The following BPGM variants were observed in gnomAD, a reference collection of about 807,000 sequenced individuals.
BPGM encodes the protein bisphosphoglycerate mutase.
In BPGM, 15 loss-of-function variants were observed where a neutral mutation model predicts 21.6. That is an observed-to-expected ratio of 0.70 (90% CI 0.47 to 1.07). BPGM has a LOEUF of 1.07. Among genes scored for constraint, BPGM ranks in the 50% least tolerant of loss-of-function variants. The pLI, the probability that BPGM is intolerant of heterozygous loss-of-function variation, is 0.00. For missense variants in BPGM, 273 were observed against 319.0 expected (o/e 0.86, Z 1.10); for synonymous variants, 113 against 116.2 (o/e 0.97, Z 0.18).
chr7:134,669,320 C>T (rs566714747), intron 2 of BPGM, among the ~76,000 whole-genome samples: 2 of 152,210 alleles, frequency 1.3e-5, no homozygotes, highest in African/African-American at 2.4e-5. Flanking sequence ...TAAAGTCCTT[C>T]TTCATGAGAA....
chr7:134,669,215 C>G (rs1002195052), intron 2 of BPGM, among the ~76,000 whole-genome samples: 7 of 152,082 alleles, frequency 4.6e-5, no homozygotes, highest in Non-Finnish European at 1.0e-4. Flanking sequence ...TGAAAACTAA[C>G]CTGGAGGGCA....
chr7:134,668,043 TC>T (rs1795846325), intron 2 of BPGM, among the ~76,000 whole-genome samples: 1 of 145,578 alleles, frequency 6.9e-6, no homozygotes, highest in Non-Finnish European at 1.5e-5. Flanking sequence ...TCCTCTTAGG[TC>T]TAGTCTTAGA....
At position 134,679,079 on chromosome 7, in the gene BPGM, GA is replaced by G; in HGVS notation, c.*49del. 6.3e-7 allele frequency: 1 copy of G among 1,596,638 alleles called. No individual in the cohort carries two copies. The highest frequency in any genetic ancestry group is 8.6e-7 in the Non-Finnish European group (1 of 1,166,194). The stretch of plus-strand genomic sequence containing the variant: ...AAGAAATGCAAAAGAAGTGGCATAG[GA>G]GTGTGTTATGGGTGCTGAACTCTCT... On this transcript the variant is annotated 3_prime_UTR_variant, in exon 3 of 3. Transcript: ENST00000344924.
chr7:134,659,418 A>C (rs78318087), intron 1 of BPGM, among the ~76,000 whole-genome samples: 1 of 147,028 alleles, frequency 6.8e-6, no homozygotes, highest in Non-Finnish European at 1.5e-5. Flanking sequence ...TGTGTTCATC[A>C]CCTGGTTTCT....
chr7:134,673,778 A>G (rs1258918141), intron 2 of BPGM, among the ~76,000 whole-genome samples: 1 of 151,998 alleles, frequency 6.6e-6, no homozygotes, highest in African/African-American at 2.4e-5. Flanking sequence ...GGAAATAACC[A>G]TGGATAAGTC....
At chr7:134,647,649 G>A (rs1795481989) in intron 1 of BPGM, among the ~76,000 whole-genome samples, 2 of 152,188 alleles carry the variant, frequency 1.3e-5, no homozygotes, top group Admixed American at 1.3e-4. Context: ...AATTACGGAA[G>A]ATCTTTAGCT....
At chr7:134,662,509 G>A (rs558915229) in intron 2 of BPGM, among the ~76,000 whole-genome samples, 2 of 152,342 alleles carry the variant, frequency 1.3e-5, no homozygotes, top group African/African-American at 4.8e-5. Flanking sequence ...ATGGCTTGTT[G>A]TAGTGAAATG....
At chr7:134,673,587 A>G (rs1426314829) in intron 2 of BPGM, among the ~76,000 whole-genome samples, 3 of 152,178 alleles carry the variant, frequency 2.0e-5, no homozygotes, top group African/African-American at 7.2e-5. Flanking sequence ...ACAGACAACA[A>G]CCCCTAAACA....
intron 2 of BPGM, among the ~76,000 whole-genome samples, chr7:134,668,308 G>A (rs1795850180): frequency 6.6e-6 from 1 of 152,134 alleles, no homozygotes. Flanking sequence ...TCCACACACA[G>A]TTATCACCTG....
intron 2 of BPGM, among the ~76,000 whole-genome samples, chr7:134,678,164 G>C (rs1212186898): frequency 6.6e-6 from 1 of 152,196 alleles, no homozygotes; most frequent in Non-Finnish European, 1.5e-5. Context: ...TGAATTACCT[G>C]TAATTCAGTT....
chr7:134,665,035 ACT>A (rs1408222097), intron 2 of BPGM, among the ~76,000 whole-genome samples: 1 of 152,128 alleles, frequency 6.6e-6, no homozygotes, highest in Non-Finnish European at 1.5e-5. Flanking sequence ...GGGTTGCACA[ACT>A]CTGAATATGC....
intron 2 of BPGM, among the ~76,000 whole-genome samples, chr7:134,665,469 T>G (rs1585861245): frequency 8.8e-5 from 2 of 22,618 alleles, no homozygotes; most frequent in Non-Finnish European, 6.6e-5. Context: ...TGTGGTGGGG[T>G]TGGGGGAGGG....
chr7:134,653,609 T>A (rs1402072113), intron 1 of BPGM, among the ~76,000 whole-genome samples: 1 of 152,202 alleles, frequency 6.6e-6, no homozygotes, highest in Non-Finnish European at 1.5e-5. Context: ...CCTGCTTCCT[T>A]ATTATACCCT....
chr7:134,661,408 GTTGAATATAAC>G lies in BPGM; in HGVS notation c.-61-36_-61-26del, dbSNP rs1194578274. On this transcript the variant is annotated intron_variant, in intron 1 of 2. Transcript: ENST00000344924. This position sits in a 1 kb window ranked among gnomAD's most constrained non-coding sequence, Gnocchi z 4.6. ...CGATGTTTCTATTCCTAGATTGTCA[GTTGAATATAAC>G]TTAGACTTGTTGTTCTTGTCTTTCT... 23 of 1,542,156 alleles carry G rather than the reference GTTGAATATAAC, an allele frequency of 1.5e-5. No homozygotes were observed. Among genetic ancestry groups the G allele is most frequent in the Non-Finnish European group, 2.0e-5 (22 of 1,121,904 alleles).
chr7:134,671,541 A>G (rs1176179926), intron 2 of BPGM, among the ~76,000 whole-genome samples: 1 of 151,560 alleles, frequency 6.6e-6, no homozygotes, highest in Non-Finnish European at 1.5e-5. Context: ...TTGTTTTTGT[A>G]TTTTTATTAG....
chr7:134,670,088 A>G (rs1184928393), intron 2 of BPGM, among the ~76,000 whole-genome samples: 1 of 152,208 alleles, frequency 6.6e-6, no homozygotes, highest in Non-Finnish European at 1.5e-5. Flanking sequence ...AAACTGAAAC[A>G]CTGGATGTAG....
chr7:134,677,532 G>A (rs1212812542), intron 2 of BPGM, among the ~76,000 whole-genome samples: 1 of 152,156 alleles, frequency 6.6e-6, no homozygotes, highest in Non-Finnish European at 1.5e-5. Context: ...CCAGTGCTAC[G>A]ATTCTGTGAC....
intron 2 of BPGM, among the ~76,000 whole-genome samples, chr7:134,666,722 T>C (rs1353997650): frequency 6.6e-6 from 1 of 152,234 alleles, no homozygotes; most frequent in Non-Finnish European, 1.5e-5. Flanking sequence ...AATTATGTCA[T>C]GTGCATGAAA....
At chr7:134,653,338 T>G (rs1219288679) in intron 1 of BPGM, among the ~76,000 whole-genome samples, 1 of 152,176 alleles carries the variant, frequency 6.6e-6, no homozygotes, top group African/African-American at 2.4e-5. Context: ...CACGTTTATC[T>G]CCTTCATCTC....
Sources: gnomAD v4.1 joint callset for allele counts (sites outside exome capture counted in the v4.1 genomes callset) on GRCh38, gnomAD v4.1.1 for gene constraint, Gnocchi (gnomAD v3.1) non-coding constraint, MANE v1.5 for transcripts, NCBI Gene and HGNC (gene_info 2026-07-23, HGNC 2026-07-21) for gene names.